THOC5: variants seen among roughly 807,000 people sequenced by gnomAD.
The protein encoded by THOC5 is THO complex subunit 5.
A neutral mutation model predicts 92.9 loss-of-function variants in THOC5; 43 were observed. That is an observed-to-expected ratio of 0.46 (90% CI 0.36 to 0.60). The LOEUF is 0.60. Ranked by LOEUF, THOC5 falls within the 20% of genes least tolerant of loss-of-function variation. The probability of loss-of-function intolerance (pLI) is 0.00; values close to 1 mark genes in which losing one functional copy is unlikely to be tolerated. For missense variants in THOC5, 659 were observed against 849.4 expected (o/e 0.78, Z 2.79); for synonymous variants, 296 against 320.1 (o/e 0.92, Z 0.80).
intron 1 of THOC5, 111 bp downstream of exon 1, chr22:29,553,560 A>C (rs569305227): frequency 1.0e-4 from 16 of 152,776 alleles, no homozygotes; most frequent in African/African-American, 3.8e-4. Flanking sequence ...AGGGAGGAGA[A>C]GCCGGGTCAG....
At chr22:29,528,227 C>A (rs1235631540) in intron 10 of THOC5, 50 bp from the exon 11 acceptor site, 1 of 1,613,946 alleles carries the variant, frequency 6.2e-7, no homozygotes, top group Non-Finnish European at 8.5e-7. Flanking sequence ...TAGCAATCTC[C>A]CCTTCCCTCT....
chr22:29,525,743 C>A lies in THOC5; in HGVS notation c.1175+95G>T. On this transcript the variant is annotated intron_variant, in intron 12 of 19. Transcript: ENST00000490103. ...CAAGTCAACACAGCCGTAGCCCTCTCCAGAGCCAGAGGGAGGAACCGAGAG... is the reference window on the plus strand; with the variant it reads ...CAAGTCAACACAGCCGTAGCCCTCTACAGAGCCAGAGGGAGGAACCGAGAG... 7.3e-6 allele frequency: 7 copies of A among 957,254 alleles called. No homozygotes were observed. In the Admixed American group the frequency reaches 1.1e-4, roughly 16 times the overall value. The allele number at this position is 957,254 out of a possible 1,614,324, so 59.3% of individuals were successfully genotyped here. A position where few individuals can be genotyped will look rare whatever the true frequency, so the allele number is the denominator to read the frequency against.
Position 29,531,884 on chromosome 22 carries a change from G to C in THOC5, c.794C>G (p.Pro265Arg). ...HKQYETARHLPPPLYVLFVQA... is the reference protein window; with the variant it reads ...HKQYETARHLRPPLYVLFVQA... ...AACAAAGAGGACATAGAGGGGAGGC[G>C]GCAGGTGTCTGGCTGTCTCATACTG... The change falls in exon 8 of 20, where the codon CCG becomes CGG. Residue 265 changes from proline (P) to arginine (R), a missense_variant. Transcript: ENST00000490103. 6.2e-7 allele frequency: 1 copy of C among 1,614,156 alleles called. No individual in the cohort carries two copies. The highest frequency in any genetic ancestry group is 8.5e-7 in the Non-Finnish European group (1 of 1,180,030).
chr22:29,539,507 G>A (rs1188877490), intron 5 of THOC5, 31 bp from the exon 6 acceptor site: 1 of 1,601,826 alleles, frequency 6.2e-7, no homozygotes, highest in Non-Finnish European at 8.5e-7. Flanking sequence ...TCAAGCTGCT[G>A]TTCTCAGGAA....
intron 1 of THOC5, among the ~76,000 whole-genome samples, chr22:29,549,608 T>C (rs1265949871): frequency 6.6e-6 from 1 of 152,226 alleles, no homozygotes; most frequent in Admixed American, 6.5e-5. Flanking sequence ...AAGACCGACC[T>C]AATTAATGCC....
At position 29,517,489 on chromosome 22, in the gene THOC5, G is replaced by GATATACCT. The variant is rs1179715507; in HGVS notation, c.1490-124_1490-123insAGGTATAT. ...CCCGGCCAGCTATCCTGGTATACCT[G>GATATACCT]GTACTCAGGAAGTACCCAGGTCAAC... is the stretch of plus-strand genomic sequence containing the variant. On this transcript the variant is annotated intron_variant, in intron 15 of 19. Coordinates refer to ENST00000490103, the MANE Select transcript of THOC5 (RefSeq NM_003678.5). The GATATACCT allele has an allele frequency of 2.2e-5, 17 of 774,308 alleles. No homozygotes were observed. In the African/African-American group the frequency reaches 2.8e-4, roughly 13 times the overall value. The allele number at this position is 774,308 out of a possible 1,614,324, so 48.0% of individuals were successfully genotyped here.
At chr22:29,523,446 C>G (rs1246720485) in intron 12 of THOC5, among the ~76,000 whole-genome samples, 1 of 152,040 alleles carries the variant, frequency 6.6e-6, no homozygotes, top group Non-Finnish European at 1.5e-5. Context: ...CACCCCACCA[C>G]CACAAAAAAA....
chr22:29,519,191 G>T, intron 14 of THOC5, 71 bp from the exon 15 acceptor site: 1 of 1,040,630 alleles, frequency 9.6e-7, no homozygotes, highest in Non-Finnish European at 1.4e-6. Flanking sequence ...CTCTCTCCTG[G>T]GACCTGCCTG....
chr22:29,516,540 C>A (rs749134374), intron 17 of THOC5, among the ~76,000 whole-genome samples: 1 of 152,192 alleles, frequency 6.6e-6, no homozygotes, highest in Non-Finnish European at 1.5e-5. Flanking sequence ...CAGCAGGGAG[C>A]CCTGGCAGAG....
At chr22:29,542,534 C>T (rs1308146300) in intron 5 of THOC5, among the ~76,000 whole-genome samples, 2 of 152,118 alleles carry the variant, frequency 1.3e-5, no homozygotes, top group Non-Finnish European at 1.5e-5. Flanking sequence ...GAGGCCGAGG[C>T]GGGAGGACCA....
chr22:29,512,213 C>G (rs1449221015), intron 17 of THOC5, 77 bp from the exon 18 acceptor site: 7 of 1,116,644 alleles, frequency 6.3e-6, no homozygotes, highest in East Asian at 2.4e-5. Flanking sequence ...CCCACTGCAC[C>G]CCTGAGGCTA....
intron 9 of THOC5, 170 bp downstream of exon 9, chr22:29,528,992 C>T: frequency 3.0e-6 from 2 of 655,798 alleles, no homozygotes; most frequent in Non-Finnish European, 5.3e-6. Context: ...CGGGCCGCAC[C>T]TTGTGACTCC....
chr22:29,532,653 A>C (rs575522921), intron 7 of THOC5, among the ~76,000 whole-genome samples: 205 of 151,946 alleles, frequency 1.3e-3, no homozygotes, highest in African/African-American at 4.8e-3. Context: ...CAACAAGAGC[A>C]AAACTCTGTC....
chr22:29,533,099 T>C (rs2063688505), intron 7 of THOC5, among the ~76,000 whole-genome samples: 2 of 152,232 alleles, frequency 1.3e-5, no homozygotes, highest in African/African-American at 4.8e-5. Flanking sequence ...AAGACTCAAA[T>C]ATTGTCCAGG....
intron 7 of THOC5, 140 bp downstream of exon 7, chr22:29,536,484 T>C (rs1053739565): frequency 9.9e-6 from 6 of 605,706 alleles, no homozygotes; most frequent in African/African-American, 5.5e-5. Context: ...TCACACCAAC[T>C]GGGTAGGGAT....
intron 2 of THOC5, among the ~76,000 whole-genome samples, chr22:29,547,838 G>T (rs984415021): frequency 1.3e-5 from 2 of 152,078 alleles, no homozygotes; most frequent in Non-Finnish European, 2.9e-5. Context: ...CACTCTACTG[G>T]TATGAATTTA....
At chr22:29,523,533 G>A (rs943950674) in intron 12 of THOC5, among the ~76,000 whole-genome samples, 7 of 152,198 alleles carry the variant, frequency 4.6e-5, no homozygotes, top group South Asian at 2.1e-4. Context: ...AGACGAACAC[G>A]TTTAACGATA....
chr22:29,549,737 G>A (rs934824678), intron 1 of THOC5, among the ~76,000 whole-genome samples: 2 of 151,876 alleles, frequency 1.3e-5, no homozygotes, highest in Non-Finnish European at 2.9e-5. Context: ...TTCATTTCTT[G>A]CATTCCTATT....
At position 29,543,523 on chromosome 22, in the gene THOC5, C is replaced by T. The variant is rs1342286257; in HGVS notation, c.260G>A (p.Arg87Gln). ...GKDVAIEIEE[R>Q]RIQSCVHFMT... ...GAAATGCACACAGCTCTGGATCCTC[C>T]GTTCTTCTATTTCTATTGCCTGTGG... The change falls in exon 4 of 20, where the codon CGG becomes CAG. Residue 87 changes from arginine to glutamine, a missense_variant. Coordinates refer to ENST00000490103, the MANE Select transcript of THOC5 (RefSeq NM_003678.5). 4 of 1,613,634 alleles carry T rather than the reference C, an allele frequency of 2.5e-6. No homozygotes were observed. The highest frequency in any genetic ancestry group is 1.1e-5 in the South Asian group (1 of 91,052).
Sources: allele counts gnomAD v4.1 joint callset (sites outside exome capture counted in the v4.1 genomes callset), GRCh38; gene constraint gnomAD v4.1.1; transcripts MANE v1.5; gene names NCBI Gene and HGNC (gene_info 2026-07-23, HGNC 2026-07-21).